Variants in CFAP43 observed in about 807,000 individuals in gnomAD.
The protein encoded by CFAP43 is cilia- and flagella-associated protein 43.
In CFAP43, 155 loss-of-function variants were observed where a neutral mutation model predicts 218.9. The ratio of observed to expected loss-of-function variants is 0.71; its 90% CI spans 0.62 to 0.81. The LOEUF is 0.81. Among genes scored for constraint, CFAP43 ranks in the 30% least tolerant of loss-of-function variants. The probability of loss-of-function intolerance (pLI) is 0.00; values close to 1 mark genes in which losing one functional copy is unlikely to be tolerated. For missense variants in CFAP43, 1,778 were observed against 1,954.3 expected (o/e 0.91, Z 1.70); for synonymous variants, 645 against 681.3 (o/e 0.95, Z 0.83).
In CFAP43 at chr10:104,230,962, C is replaced by G; in HGVS notation, c.66-119G>C. ...TTCTATTTTCATGTCCTTTCTGCCC[C>G]CAATTTCTAAGATAAAAGAACACAC... On this transcript the variant is annotated intron_variant, in intron 1 of 37. Transcript: ENST00000357060. 3 of 1,129,952 alleles carry G rather than the reference C, an allele frequency of 2.7e-6. No individual in the cohort carries two copies. In the East Asian group the frequency reaches 7.9e-5, roughly 30 times the overall value. 70.0% of individuals were successfully genotyped at this position (1,129,952 alleles called of 1,614,324 possible).
chr10:104,171,930 G>A (rs918077541), intron 20 of CFAP43, among the ~76,000 whole-genome samples: 3 of 152,190 alleles, frequency 2.0e-5, no homozygotes, highest in African/African-American at 7.2e-5. Flanking sequence ...GGTCATAGGA[G>A]CTGGGATAAT....
intron 7 of CFAP43, among the ~76,000 whole-genome samples, chr10:104,204,379 G>T (rs959065709): frequency 6.6e-6 from 1 of 152,130 alleles, no homozygotes; most frequent in Non-Finnish European, 1.5e-5. Context: ...ATTCTCAAGA[G>T]GAATTTGAGT....
intron 14 of CFAP43, among the ~76,000 whole-genome samples, chr10:104,186,778 C>T (rs1026691615): frequency 6.6e-6 from 1 of 152,122 alleles, no homozygotes; most frequent in African/African-American, 2.4e-5. Flanking sequence ...GGAAGGAAGG[C>T]AGACCTTATC....
intron 2 of CFAP43, among the ~76,000 whole-genome samples, chr10:104,226,852 C>G (rs1412855869): frequency 6.6e-6 from 1 of 152,010 alleles, no homozygotes; most frequent in African/African-American, 2.4e-5. Context: ...AACCTCGTCT[C>G]TACTAAAAAT....
chr10:104,181,194 A>G (rs2089831192), intron 17 of CFAP43, among the ~76,000 whole-genome samples: 1 of 152,054 alleles, frequency 6.6e-6, no homozygotes, highest in Non-Finnish European at 1.5e-5. Context: ...GAATGACACC[A>G]TCTTCTACAT....
At chr10:104,227,920 C>T (rs1431210075) in intron 2 of CFAP43, among the ~76,000 whole-genome samples, 7 of 139,630 alleles carry the variant, frequency 5.0e-5, no homozygotes, top group Non-Finnish European at 9.0e-5. Flanking sequence ...GATCTCGGCT[C>T]GCTGCAACCT....
chr10:104,155,150 G>A (rs1203719824), intron 27 of CFAP43, among the ~76,000 whole-genome samples: 2 of 152,202 alleles, frequency 1.3e-5, no homozygotes, highest in African/African-American at 2.4e-5. Context: ...ATCTTGGGGT[G>A]AGGAGGCTGG....
At chr10:104,226,651 T>G (rs1205504420) in intron 2 of CFAP43, among the ~76,000 whole-genome samples, 1 of 152,204 alleles carries the variant, frequency 6.6e-6, no homozygotes, top group Non-Finnish European at 1.5e-5. Context: ...CTGTGTTTAC[T>G]TGAAAAAATA....
chr10:104,162,820 G>A (rs1384757061), intron 24 of CFAP43, among the ~76,000 whole-genome samples: 1 of 151,894 alleles, frequency 6.6e-6, no homozygotes, highest in Non-Finnish European at 1.5e-5. Context: ...GAAAGGGGGT[G>A]GGGTGGGCAT....
rs766359459 is a variant in CFAP43 at position 104,166,492 on chromosome 10, A to G, written c.3035T>C (p.Leu1012Ser). 1 of 1,611,718 alleles carries G rather than the reference A, an allele frequency of 6.2e-7. No individual in the cohort carries two copies. Among genetic ancestry groups the G allele is most frequent in the Non-Finnish European group, 8.5e-7 (1 of 1,179,014 alleles). The change falls in exon 23 of 38, where the codon TTG becomes TCG. Residue 1012 changes from leucine (L) to serine (S), a missense_variant. By Grantham distance (145) the Leu-to-Ser change is moderately radical. This residue lies in a region of CFAP43 where 1,553 missense variants were observed against 1,685.2 expected (regional missense o/e 0.92). Coordinates refer to ENST00000357060, the MANE Select transcript of CFAP43 (RefSeq NM_025145.7). Reference protein sequence around the residue: ...REEKINQIILLKDIIYKVKTV... With the variant: ...REEKINQIILSKDIIYKVKTV... ...ATAAAAAGAAAATTGACCCACTTTC[A>G]ATAATATAATTTGGTTGATTTTCTC...
rs779866803 is a variant in CFAP43 at position 104,182,560 on chromosome 10, T to A, written c.2142-47A>T. On this transcript the variant is annotated intron_variant, in intron 16 of 37. Coordinates refer to ENST00000357060, the MANE Select transcript of CFAP43 (RefSeq NM_025145.7). Reference sequence around the variant, plus strand: ...CACAGAGGCTATAAAAATCATAATTTAAAAAATCACATTTAGCTGTATTAT... The same window carrying A: ...CACAGAGGCTATAAAAATCATAATTAAAAAAATCACATTTAGCTGTATTAT... The A allele has an allele frequency of 2.6e-5, 39 of 1,506,440 alleles. No individual in the cohort carries two copies. The East Asian group carries it at 3.6e-4, about 14-fold the overall frequency. The allele number at this position is 1,506,440 out of a possible 1,614,324, so 93.3% of individuals were successfully genotyped here.
At chr10:104,163,021 G>C (rs944545632) in intron 24 of CFAP43, among the ~76,000 whole-genome samples, 1 of 152,190 alleles carries the variant, frequency 6.6e-6, no homozygotes, top group Non-Finnish European at 1.5e-5. Context: ...GCAGCAGAGT[G>C]AGGTCCTTGC....
chr10:104,137,341 G>A (rs915052895), intron 34 of CFAP43, among the ~76,000 whole-genome samples: 2 of 152,152 alleles, frequency 1.3e-5, no homozygotes, highest in Admixed American at 6.5e-5. Flanking sequence ...AACATGCTAA[G>A]TGAAAGAAGC....
intron 8 of CFAP43, among the ~76,000 whole-genome samples, chr10:104,201,673 C>T (rs1474804852): frequency 7.8e-6 from 1 of 128,828 alleles, no homozygotes; most frequent in Non-Finnish European, 1.6e-5. Flanking sequence ...TTTAAAACTA[C>T]TTTCACATTT....
intron 7 of CFAP43, among the ~76,000 whole-genome samples, chr10:104,205,411 G>A (rs2090657844): frequency 6.6e-6 from 1 of 152,084 alleles, no homozygotes; most frequent in Non-Finnish European, 1.5e-5. Context: ...GTAAAAGGAG[G>A]ATGTCAATAG....
At chr10:104,164,491 G>A (rs192134765) in intron 23 of CFAP43, among the ~76,000 whole-genome samples, 191 bp from the exon 24 acceptor site, 3 of 151,272 alleles carry the variant, frequency 2.0e-5, no homozygotes, top group Admixed American at 6.6e-5. Context: ...TCCGCCTCCC[G>A]GGTTCACGCC....
chr10:104,141,377 C>T (rs969920922), intron 33 of CFAP43, among the ~76,000 whole-genome samples: 64 of 152,204 alleles, frequency 4.2e-4, no homozygotes, highest in African/African-American at 1.4e-3. Context: ...TTTGGGATGC[C>T]GAGGTGGGTG....
At chr10:104,144,971 C>G (rs1246203927) in intron 31 of CFAP43, among the ~76,000 whole-genome samples, 1 of 152,194 alleles carries the variant, frequency 6.6e-6, no homozygotes, top group South Asian at 2.1e-4. Context: ...ACGCTGCTTA[C>G]TCTGTTTCTT....
At chr10:104,201,801 A>T (rs903106035) in intron 8 of CFAP43, among the ~76,000 whole-genome samples, 1 of 151,970 alleles carries the variant, frequency 6.6e-6, no homozygotes, top group Non-Finnish European at 1.5e-5. Context: ...CCCACCTGGG[A>T]TCATTTTCCT....
Sources: allele counts gnomAD v4.1 joint callset (sites outside exome capture counted in the v4.1 genomes callset), GRCh38; gene constraint gnomAD v4.1.1; regional missense constraint gnomAD v4.1.1; transcripts MANE v1.5; gene names NCBI Gene and HGNC (gene_info 2026-07-23, HGNC 2026-07-21).